The following INTS11 variants were observed in gnomAD, a reference collection of about 807,000 sequenced individuals.
The protein encoded by INTS11 is integrator complex subunit 11.
A neutral mutation model predicts 78.6 loss-of-function variants in INTS11; 77 were observed. That is an observed-to-expected ratio of 0.98 (90% CI 0.81 to 1.18). The LOEUF is 1.18. Among genes scored for constraint, INTS11 ranks in the 50% most tolerant of loss-of-function variants. The pLI is 0.00. For missense variants in INTS11, 875 were observed against 825.9 expected (o/e 1.06, Z -0.73); for synonymous variants, 441 against 326.9 (o/e 1.35, Z -3.77).
At position 1,312,294 on chromosome 1, in the gene INTS11, G is replaced by A. The variant is rs1642251019; in HGVS notation, c.1539C>T (p.Cys513=). ...TGCGTGTGTCATGCAGGTGCACGCG[G>A]CAGGTGAAGCGCAGCTGGTGCTCAG... ...GLAEHQLRFT[C]RVHLHDTRKE... is the part of the protein sequence containing the mutation. The change falls in exon 15 of 17, where the codon TGC becomes TGT. Residue 513 remains cysteine, a synonymous_variant. Transcript: ENST00000435064. The A allele has an allele frequency of 1.9e-6, 3 of 1,550,506 alleles. No homozygotes were observed. The highest frequency in any genetic ancestry group is 2.6e-6 in the Non-Finnish European group (3 of 1,147,156).
rs375310235 is a variant in INTS11, at chr1:1,312,888, A to G, written c.1193T>C (p.Ile398Thr). ...SFSAHADAKG[I>T]MQLVGQAEPE... The stretch of plus-strand genomic sequence containing the variant: ...CTCTGCCTGGCCCACCAGCTGCATG[A>G]TGCCCTTGGCGTCCGCGTGTGCGCT... The change falls in exon 12 of 17, where the codon ATC becomes ACC. Residue 398 changes from isoleucine (I) to threonine (T), a missense_variant. Physicochemically the swap from Ile to Thr is moderately conservative, Grantham distance 89. Coordinates refer to ENST00000435064, the MANE Select transcript of INTS11 (RefSeq NM_017871.6). 1 of 1,612,584 alleles carries G rather than the reference A, an allele frequency of 6.2e-7. No individual in the cohort carries two copies. The highest frequency in any genetic ancestry group is 8.5e-7 in the Non-Finnish European group (1 of 1,179,884).
chr1:1,320,605 G>A (rs772351788), intron 2 of INTS11, 76 bp from the exon 3 acceptor site: 1 of 1,479,790 alleles, frequency 6.8e-7, no homozygotes, highest in Non-Finnish European at 9.4e-7. Flanking sequence ...CCCCAGGGAG[G>A]GGCCCCCAGG....
chr1:1,321,139 CT>C, intron 1 of INTS11, 46 bp from the exon 2 acceptor site: 11 of 1,466,338 alleles, frequency 7.5e-6, no homozygotes, highest in Non-Finnish European at 9.4e-6. Flanking sequence ...CCCCCGCCCC[CT>C]GTGCTGCCTC....
intron 12 of INTS11, 32 bp from the exon 13 acceptor site, chr1:1,312,732 C>T: frequency 9.4e-6 from 15 of 1,591,124 alleles, no homozygotes; most frequent in Middle Eastern, 1.7e-4. Context: ...AGCCTCAGCC[C>T]AGGCTGCCCG....
rs1001368795 is a variant in INTS11, at chr1:1,314,510, G to A, written c.703-145C>T. 7 of 719,100 alleles carry A rather than the reference G, an allele frequency of 9.7e-6. No individual in the cohort carries two copies. Among genetic ancestry groups the A allele is most frequent in the South Asian group, 3.8e-5 (2 of 52,842 alleles). 44.5% of individuals were successfully genotyped at this position (719,100 alleles called of 1,614,324 possible). A position where few individuals can be genotyped will look rare whatever the true frequency, so the allele number is the denominator to read the frequency against. On this transcript the variant is annotated intron_variant, in intron 7 of 16. Transcript: ENST00000435064. This position sits in a 1 kb window ranked among gnomAD's most constrained non-coding sequence, Gnocchi z 4.2. ...ATCTGCTCCCAGTCCCGTCCCAGCC[G>A]CTCTCCAGAGACAGAAGGGAGCCGT... is the stretch of plus-strand genomic sequence containing the variant.
intron 3 of INTS11, chr1:1,320,231 G>A (rs753789766): frequency 6.4e-5 from 35 of 545,384 alleles, no homozygotes; most frequent in South Asian, 1.9e-4. Context: ...CTGGAGGGCC[G>A]GGTTCAGAAA....
chr1:1,320,956 G>A lies in INTS11; in HGVS notation c.126+40C>T, dbSNP rs758260769. 134 of 1,566,022 alleles carry A rather than the reference G, an allele frequency of 8.6e-5. No homozygotes were observed. In the East Asian group the frequency reaches 2.2e-3, roughly 26 times the overall value. On this transcript the variant is annotated intron_variant, in intron 2 of 16. Transcript: ENST00000435064. ...GCCCAGGGTCCAGCTGTGGATGGCC[G>A]GCTCTCCCAGCCTCTGGGCCTCCTG...
At position 1,314,953 on chromosome 1, in the gene INTS11, C is replaced by G. The variant is rs1383428805; in HGVS notation, c.573G>C (p.Trp191Cys). The G allele has an allele frequency of 1.2e-6, 2 of 1,612,482 alleles. No homozygotes were observed. Among genetic ancestry groups the G allele is most frequent in the Non-Finnish European group, 1.7e-6 (2 of 1,179,496 alleles). Residue 191 changes from tryptophan to cysteine, a missense_variant, in exon 7 of 17, where the codon TGG becomes TGC. By Grantham distance (215) the Trp-to-Cys change is radical (BLOSUM62 -2). Transcript: ENST00000435064. The surrounding 1 kb of genome is among the most constrained non-coding windows in gnomAD (Gnocchi z 4.2). ...MTPDRHLGAAWIDKCRPNLLI... is the reference protein window; with the variant it reads ...MTPDRHLGAACIDKCRPNLLI... ...GCAGGTTGGGGCGGCACTTGTCAAT[C>G]CAGGCAGCTCTGGAACACGGGGGTG...
intron 1 of INTS11, chr1:1,322,108 C>G (rs1166666140): frequency 7.3e-6 from 4 of 546,406 alleles, no homozygotes; most frequent in African/African-American, 5.9e-5. Context: ...CAAGCCACGC[C>G]AGGCTCACAG....
chr1:1,321,991 C>G (rs41285826), intron 1 of INTS11: 19,985 of 1,360,242 alleles, frequency 0.015, 188 homozygotes, highest in Non-Finnish European at 0.016. Flanking sequence ...CTGCCTGCCA[C>G]AGAGAGGGGA....
rs768430116 is a variant in INTS11 at position 1,314,578 on chromosome 1, G to C, written c.703-213C>G. On this transcript the variant is annotated intron_variant, in intron 7 of 16. Transcript: ENST00000435064. The surrounding 1 kb of genome is among the most constrained non-coding windows in gnomAD (Gnocchi z 4.2). ...GCCGCATGAGAGACAGAAGGGAGCT[G>C]CATGAGAGACAGAAGGAGCCTGGCC... is the stretch of plus-strand genomic sequence containing the variant. 3 of 632,078 alleles carry C rather than the reference G, an allele frequency of 4.7e-6. No individual in the cohort carries two copies. The highest frequency in any genetic ancestry group is 8.2e-6 in the Non-Finnish European group (3 of 366,998). The allele number at this position is 632,078 out of a possible 1,614,324, so 39.2% of individuals were successfully genotyped here.
At position 1,312,938 on chromosome 1, in the gene INTS11, C is replaced by T. The variant is rs1377542552; in HGVS notation, c.1143G>A (p.Lys381=). The change falls in exon 12 of 17, where the codon AAG becomes AAA. Residue 381 remains lysine, a synonymous_variant. Transcript: ENST00000435064. ...TGAATGACATGTACTCCACCTGCAT[C>T]TTGACCTCCAGCTACAGAGGCCACG... is the stretch of plus-strand genomic sequence containing the variant. The part of the protein sequence containing the change: ...EMEGRQVLEV[K]MQVEYMSFSA... The T allele has an allele frequency of 6.2e-7, 1 of 1,611,866 alleles. No homozygotes were observed. Among genetic ancestry groups the T allele is most frequent in the East Asian group, 2.2e-5 (1 of 44,854 alleles).
chr1:1,312,536 G>A (rs2100562140), intron 13 of INTS11, 35 bp from the exon 14 acceptor site: 6 of 1,581,110 alleles, frequency 3.8e-6, no homozygotes, highest in Non-Finnish European at 5.2e-6. Context: ...TCAATGTGAG[G>A]GCCGCTCCCA....
rs1569576879 is a variant in INTS11, at chr1:1,323,077, C to T, written c.28+1504G>A. ...AGAGAGCAGGGGAGGGCAGTGGGGC[C>T]CATGCAAACAGCTGCAAAATGCCAT... On this transcript the variant is annotated intron_variant, in intron 1 of 16. Coordinates refer to ENST00000435064, the MANE Select transcript of INTS11 (RefSeq NM_017871.6). 8.1e-6 allele frequency: 12 copies of T among 1,484,824 alleles called. No homozygotes were observed. The East Asian group carries it at 3.0e-4, about 38-fold the overall frequency. 92.0% of individuals were successfully genotyped at this position (1,484,824 alleles called of 1,614,324 possible).
At chr1:1,313,001 G>C in intron 11 of INTS11, 34 bp downstream of exon 11, 5 of 1,611,678 alleles carry the variant, frequency 3.1e-6, no homozygotes, top group Non-Finnish European at 4.2e-6. Flanking sequence ...GGTGCCCCTC[G>C]GCCCTGCCAG....
chr1:1,316,606 T>G (rs1642624345), intron 4 of INTS11: 1 of 149,606 alleles, frequency 6.7e-6, no homozygotes, highest in South Asian at 2.1e-4. Flanking sequence ...GGCAAAAAAC[T>G]AGACTTCTTT....
At chr1:1,317,016 C>CA (rs1179082220) in intron 4 of INTS11, 2 of 152,090 alleles carry the variant, frequency 1.3e-5, no homozygotes, top group African/African-American at 4.8e-5. Context: ...CTCCTGGGCT[C>CA]AAGCGTCCTC....
At chr1:1,320,377 C>G in intron 3 of INTS11, 79 bp downstream of exon 3, 1 of 1,401,136 alleles carries the variant, frequency 7.1e-7, no homozygotes, top group Non-Finnish European at 1.0e-6. Context: ...CCTTGCCAAA[C>G]GCTGCCGAGA....
chr1:1,312,736 C>T (rs1244275272), intron 12 of INTS11, 36 bp from the exon 13 acceptor site: 6 of 1,591,156 alleles, frequency 3.8e-6, no homozygotes, highest in East Asian at 4.5e-5. Context: ...TCAGCCCAGG[C>T]TGCCCGTGCT....
Sources: gnomAD v4.1 joint callset for allele counts on GRCh38, gnomAD v4.1.1 for gene constraint, Gnocchi (gnomAD v3.1) non-coding constraint, MANE v1.5 for transcripts, NCBI Gene and HGNC (gene_info 2026-07-23, HGNC 2026-07-21) for gene names.